Variants in ZBTB6 observed in about 807,000 individuals in gnomAD.
ZBTB6 encodes the protein zinc finger and BTB domain containing 6, also known as zinc finger and BTB domain-containing protein 6.
In ZBTB6, 11 loss-of-function variants were observed where a neutral mutation model predicts 30.6. The ratio of observed to expected loss-of-function variants is 0.36; its 90% CI spans 0.23 to 0.60. The LOEUF is 0.60. Ranked by LOEUF, ZBTB6 falls within the 20% of genes least tolerant of loss-of-function variation. ZBTB6 has a pLI of 0.75. For synonymous variants in ZBTB6, 174 were observed against 172.0 expected (o/e 1.01, Z -0.09); for missense variants, 380 against 489.4 (o/e 0.78, Z 2.11).
Position 122,911,647 on chromosome 9 carries a change from C to G in ZBTB6, c.426G>C (p.Leu142=). Residue 142 remains leucine (L), a synonymous_variant, in exon 2 of 2, where the codon CTG becomes CTC. Transcript: ENST00000373659. The surrounding 1 kb of genome is among the most constrained non-coding windows in gnomAD (Gnocchi z 4.5). Reference sequence around the variant, plus strand: ...TAACATCAGGATCAGAAGACTGACACAGGTCAGTGTGTTGGTTGTTGTTTT... The same window carrying G: ...TAACATCAGGATCAGAAGACTGACAGAGGTCAGTGTGTTGGTTGTTGTTTT... ...SMKNNNQHTD[L]CQSSDPDVKN... 1 of 1,613,508 alleles carries G rather than the reference C, an allele frequency of 6.2e-7. No individual in the cohort carries two copies. Among genetic ancestry groups the G allele is most frequent in the Non-Finnish European group, 8.5e-7 (1 of 1,180,010 alleles).
In ZBTB6 at chr9:122,908,232, A is replaced by C. The variant is rs1016914471; in HGVS notation, c.*2566T>G. Reference sequence around the variant, plus strand: ...CTCAAACACTTTTCATTTTTCTGTCATATCAGAAACATAAACTAAATGTGA... The same window carrying C: ...CTCAAACACTTTTCATTTTTCTGTCCTATCAGAAACATAAACTAAATGTGA... On this transcript the variant is annotated 3_prime_UTR_variant, in exon 2 of 2. Coordinates refer to ENST00000373659, the MANE Select transcript of ZBTB6 (RefSeq NM_006626.6). 14 of 152,350 alleles carry C rather than the reference A, an allele frequency of 9.2e-5. No homozygotes were observed. The highest frequency in any genetic ancestry group is 3.3e-4 in the Admixed American group (5 of 15,296). 9.4% of individuals were successfully genotyped at this position (152,350 alleles called of 1,614,324 possible).
In ZBTB6 at chr9:122,910,612, A is replaced by G. The variant is rs1832942597; in HGVS notation, c.*186T>C. 1.7e-6 allele frequency: 1 copy of G among 596,720 alleles called. No homozygotes were observed. Among genetic ancestry groups the G allele is most frequent in the Non-Finnish European group, 2.9e-6 (1 of 343,354 alleles). 37.0% of individuals were successfully genotyped at this position (596,720 alleles called of 1,614,324 possible). Reference sequence around the variant, plus strand: ...AAGGTATGAGATGAGACAGAATCCCATCAGCTTTACTGTGCCTCCCATAAC... The same window carrying G: ...AAGGTATGAGATGAGACAGAATCCCGTCAGCTTTACTGTGCCTCCCATAAC... On this transcript the variant is annotated 3_prime_UTR_variant, in exon 2 of 2. Coordinates refer to ENST00000373659, the MANE Select transcript of ZBTB6 (RefSeq NM_006626.6).
At chr9:122,912,258 C>T (rs765699376) in intron 1 of ZBTB6, among the ~76,000 whole-genome samples, 177 bp from the exon 2 acceptor site, 8 of 152,140 alleles carry the variant, frequency 5.3e-5, no homozygotes, top group South Asian at 2.1e-4. Context: ...CTTTATAATG[C>T]ACTTCTCTAT....
At position 122,908,771 on chromosome 9, in the gene ZBTB6, T is replaced by G. The variant is rs572335759; in HGVS notation, c.*2027A>C. ...AAGCAATGAACTATGAATGAAAAAT[T>G]AGCAATGAGCTATCACACTTTCCAG... is the stretch of plus-strand genomic sequence containing the variant. On this transcript the variant is annotated 3_prime_UTR_variant, in exon 2 of 2. Coordinates refer to ENST00000373659, the MANE Select transcript of ZBTB6 (RefSeq NM_006626.6). 2.8e-4 allele frequency: 43 copies of G among 152,268 alleles called. No homozygotes were observed. Among genetic ancestry groups the G allele is most frequent in the African/African-American group, 7.7e-4 (32 of 41,564 alleles). The allele number at this position is 152,268 out of a possible 1,614,324, so 9.4% of individuals were successfully genotyped here.
Position 122,911,488 on chromosome 9 carries a change from T to C in ZBTB6, c.585A>G (p.Ser195=), listed in dbSNP as rs1832954044. 1.2e-6 allele frequency: 2 copies of C among 1,614,184 alleles called. No individual in the cohort carries two copies. Among genetic ancestry groups the C allele is most frequent in the Non-Finnish European group, 1.7e-6 (2 of 1,180,034 alleles). The change falls in exon 2 of 2, where the codon TCA becomes TCG. Residue 195 remains serine, a synonymous_variant. Coordinates refer to ENST00000373659, the MANE Select transcript of ZBTB6 (RefSeq NM_006626.6). The surrounding 1 kb of genome is among the most constrained non-coding windows in gnomAD (Gnocchi z 4.5). Reference sequence around the variant, plus strand: ...CTGGTGACTTCATTTCCTTTCTCTCTGATGTCAGACTCTCTACTGTAGACT... The same window carrying C: ...CTGGTGACTTCATTTCCTTTCTCTCCGATGTCAGACTCTCTACTGTAGACT... The part of the protein sequence containing the change: ...ALQSTVESLT[S]ERKEMKSPEL...
intron 1 of ZBTB6, among the ~76,000 whole-genome samples, chr9:122,912,858 G>A (rs1832967593): frequency 6.6e-6 from 1 of 151,952 alleles, no homozygotes; most frequent in Non-Finnish European, 1.5e-5. Flanking sequence ...TCTTACATTC[G>A]CGTTTCCAGT....
chr9:122,911,650 G>A lies in ZBTB6; in HGVS notation c.423C>T (p.Asp141=). 6 of 1,613,450 alleles carry A rather than the reference G, an allele frequency of 3.7e-6. No individual in the cohort carries two copies. Among genetic ancestry groups the A allele is most frequent in the Non-Finnish European group, 5.1e-6 (6 of 1,180,030 alleles). Residue 141 remains aspartate (D), a synonymous_variant, in exon 2 of 2, where the codon GAC becomes GAT. Coordinates refer to ENST00000373659, the MANE Select transcript of ZBTB6 (RefSeq NM_006626.6). The surrounding 1 kb of genome is among the most constrained non-coding windows in gnomAD (Gnocchi z 4.5). ...CATCAGGATCAGAAGACTGACACAGGTCAGTGTGTTGGTTGTTGTTTTTCA... is the reference window on the plus strand; with the variant it reads ...CATCAGGATCAGAAGACTGACACAGATCAGTGTGTTGGTTGTTGTTTTTCA... ...LSMKNNNQHT[D]LCQSSDPDVK... is the part of the protein sequence containing the mutation.
chr9:122,911,704 C>A lies in ZBTB6; in HGVS notation c.369G>T (p.Leu123Phe). The stretch of plus-strand genomic sequence containing the variant: ...AAAGATCAATTTCCAGATACTTTGA[C>A]AAAGCTTCTGTGCACTTTTCCACAA... Reference protein sequence around the residue: ...VHIVEKCTEALSKYLEIDLSM... With the variant: ...VHIVEKCTEAFSKYLEIDLSM... Residue 123 changes from leucine to phenylalanine, a missense_variant, in exon 2 of 2, where the codon TTG becomes TTT. Physicochemically the swap from Leu to Phe is conservative, Grantham distance 22 (BLOSUM62 0). Transcript: ENST00000373659. The surrounding 1 kb of genome is among the most constrained non-coding windows in gnomAD (Gnocchi z 4.5). 1 of 1,614,054 alleles carries A rather than the reference C, an allele frequency of 6.2e-7. No individual in the cohort carries two copies. Among genetic ancestry groups the A allele is most frequent in the Non-Finnish European group, 8.5e-7 (1 of 1,180,036 alleles).
Position 122,910,534 on chromosome 9 carries a change from A to C in ZBTB6, c.*264T>G, listed in dbSNP as rs574471783. On this transcript the variant is annotated 3_prime_UTR_variant, in exon 2 of 2. Coordinates refer to ENST00000373659, the MANE Select transcript of ZBTB6 (RefSeq NM_006626.6). ...GGATCCTTTGTCACTAGAATCAAGA[A>C]TATATAAGAGAGGAACACTATTTCT... 1 of 330,922 alleles carries C rather than the reference A, an allele frequency of 3.0e-6. No individual in the cohort carries two copies. The highest frequency in any genetic ancestry group is 5.1e-5 in the East Asian group (1 of 19,724). 20.5% of individuals were successfully genotyped at this position (330,922 alleles called of 1,614,324 possible). A position where few individuals can be genotyped will look rare whatever the true frequency, so the allele number is the denominator to read the frequency against.
In ZBTB6 at chr9:122,910,816, T is replaced by A. The variant is rs371206112; in HGVS notation, c.1257A>T (p.Lys419Asn). The change falls in exon 2 of 2, where the codon AAA becomes AAT. Residue 419 changes from lysine (K) to asparagine (N), a missense_variant. Coordinates refer to ENST00000373659, the MANE Select transcript of ZBTB6 (RefSeq NM_006626.6). ...ATTATAATTATAGTAGACTTTGCCT[T>A]TTGAGATCAGGCCTAGATAGTTTTT... ...SGEKLSRPDLKRQSLL is the reference protein window; with the variant it reads ...SGEKLSRPDLNRQSLL The A allele has an allele frequency of 1.2e-5, 20 of 1,608,146 alleles. No homozygotes were observed. The highest frequency in any genetic ancestry group is 1.7e-5 in the Non-Finnish European group (20 of 1,175,474).
intron 1 of ZBTB6, 95 bp from the exon 2 acceptor site, chr9:122,912,176 A>G (rs1010982176): frequency 8.1e-7 from 1 of 1,235,464 alleles, no homozygotes; most frequent in East Asian, 2.4e-5. Flanking sequence ...CCCAAACCTG[A>G]ATTAGGAAGA....
At chr9:122,912,939 G>A (rs752720891) in intron 1 of ZBTB6, among the ~76,000 whole-genome samples, 3 of 152,142 alleles carry the variant, frequency 2.0e-5, no homozygotes, top group Non-Finnish European at 2.9e-5. Context: ...TCCACCTCCC[G>A]TTTCAACCAG....
rs118074884 is a variant in ZBTB6 at position 122,910,765 on chromosome 9, T to C, written c.*33A>G. On this transcript the variant is annotated 3_prime_UTR_variant, in exon 2 of 2. Coordinates refer to ENST00000373659, the MANE Select transcript of ZBTB6 (RefSeq NM_006626.6). Reference sequence around the variant, plus strand: ...CAGAAAGACTTGCGTAATAGAATAATACAAACTTTATATAACAAGTCTGTG... The same window carrying C: ...CAGAAAGACTTGCGTAATAGAATAACACAAACTTTATATAACAAGTCTGTG... 0.048 allele frequency: 75,023 copies of C among 1,548,976 alleles called. 2,119 individuals carry two copies. Among genetic ancestry groups the C allele is most frequent in the Non-Finnish European group, 0.057 (65,055 of 1,138,948 alleles).
chr9:122,911,228 C>T lies in ZBTB6; in HGVS notation c.845G>A (p.Gly282Glu), dbSNP rs1339968484. The change falls in exon 2 of 2, where the codon GGA (glycine) becomes GAA (glutamate). Residue 282 changes from glycine (G) to glutamate (E), a missense_variant. Gly to Glu is a moderately conservative substitution (Grantham distance 98). Transcript: ENST00000373659. The surrounding 1 kb of genome is among the most constrained non-coding windows in gnomAD (Gnocchi z 4.5). ...DQGLFCENTE[G>E]SYGTVSEIQN... ...AATCTCACTCACTGTACCATAACTT[C>T]CTTCAGTATTCTCACAAAATAAGCC... 6.2e-7 allele frequency: 1 copy of T among 1,614,208 alleles called. No homozygotes were observed. The highest frequency in any genetic ancestry group is 1.7e-5 in the Admixed American group (1 of 60,032).
rs1832952054 is a variant in ZBTB6, at chr9:122,911,320, T to C, written c.753A>G (p.Thr251=). ...SSKASMYFSE[T]QHSLINSTVE... ...CTGTAGAATTGATCAATGAATGCTGTGTTTCAGAGAAATACATGCTTGCTT... is the reference window on the plus strand; with the variant it reads ...CTGTAGAATTGATCAATGAATGCTGCGTTTCAGAGAAATACATGCTTGCTT... Residue 251 remains threonine (T), a synonymous_variant, in exon 2 of 2, where the codon ACA becomes ACG. Transcript: ENST00000373659. The surrounding 1 kb of genome is among the most constrained non-coding windows in gnomAD (Gnocchi z 4.5). 2 of 1,614,034 alleles carry C rather than the reference T, an allele frequency of 1.2e-6. No homozygotes were observed. The highest frequency in any genetic ancestry group is 1.3e-5 in the African/African-American group (1 of 74,930).
chr9:122,911,279 G>A lies in ZBTB6; in HGVS notation c.794C>T (p.Ala265Val). ...LINSTVESRVAEVPGNQDQGL... is the reference protein window; with the variant it reads ...LINSTVESRVVEVPGNQDQGL... Reference sequence around the variant, plus strand: ...CTGATCTTGATTCCCAGGAACTTCAGCCACTCTGCTCTCAACTGTAGAATT... The same window carrying A: ...CTGATCTTGATTCCCAGGAACTTCAACCACTCTGCTCTCAACTGTAGAATT... The change falls in exon 2 of 2, where the codon GCT becomes GTT. Residue 265 changes from alanine (A) to valine (V), a missense_variant. Ala to Val is a moderately conservative substitution (Grantham distance 64). Transcript: ENST00000373659. The surrounding 1 kb of genome is among the most constrained non-coding windows in gnomAD (Gnocchi z 4.5). 1 of 1,614,070 alleles carries A rather than the reference G, an allele frequency of 6.2e-7. No individual in the cohort carries two copies. Among genetic ancestry groups the A allele is most frequent in the Non-Finnish European group, 8.5e-7 (1 of 1,180,034 alleles).
Position 122,910,474 on chromosome 9 carries a change from C to T in ZBTB6, c.*324G>A. ...TGGATTTTATACTTAAATCAATTAC[C>T]TAGAGACTCCAAATCGGAATCTGCA... On this transcript the variant is annotated 3_prime_UTR_variant, in exon 2 of 2. Transcript: ENST00000373659. The T allele has an allele frequency of 4.9e-6, 1 of 204,362 alleles. No individual in the cohort carries two copies. The highest frequency in any genetic ancestry group is 9.9e-6 in the Non-Finnish European group (1 of 101,204). 12.7% of individuals were successfully genotyped at this position (204,362 alleles called of 1,614,324 possible). A position where few individuals can be genotyped will look rare whatever the true frequency, so the allele number is the denominator to read the frequency against.
At position 122,908,678 on chromosome 9, in the gene ZBTB6, C is replaced by T. The variant is rs575950485; in HGVS notation, c.*2120G>A. 3.3e-5 allele frequency: 5 copies of T among 152,308 alleles called. No individual in the cohort carries two copies. Among genetic ancestry groups the T allele is most frequent in the African/African-American group, 4.8e-5 (2 of 41,566 alleles). The allele number at this position is 152,308 out of a possible 1,614,324, so 9.4% of individuals were successfully genotyped here. The stretch of plus-strand genomic sequence containing the variant: ...GCAAAAATAAGAAAAGTACTTCAAT[C>T]ACTAGTAAACTATTTCTGAAAAGAA... On this transcript the variant is annotated 3_prime_UTR_variant, in exon 2 of 2. Coordinates refer to ENST00000373659, the MANE Select transcript of ZBTB6 (RefSeq NM_006626.6).
Position 122,910,801 on chromosome 9 carries a change from T to C in ZBTB6, c.1272A>G (p.Leu424=). 1.2e-6 allele frequency: 2 copies of C among 1,604,828 alleles called. No homozygotes were observed. Among genetic ancestry groups the C allele is most frequent in the African/African-American group, 2.7e-5 (2 of 74,804 alleles). ...SRPDLKRQSL[L] Reference sequence around the variant, plus strand: ...TATAACAAGTCTGTGATTATAATTATAGTAGACTTTGCCTTTTGAGATCAG... The same window carrying C: ...TATAACAAGTCTGTGATTATAATTACAGTAGACTTTGCCTTTTGAGATCAG... Residue 424 remains leucine, a synonymous_variant, in exon 2 of 2, where the codon CTA becomes CTG. Coordinates refer to ENST00000373659, the MANE Select transcript of ZBTB6 (RefSeq NM_006626.6).
Sources: gnomAD v4.1 joint callset for allele counts (sites outside exome capture counted in the v4.1 genomes callset) on GRCh38, gnomAD v4.1.1 for gene constraint, Gnocchi (gnomAD v3.1) non-coding constraint, MANE v1.5 for transcripts, NCBI Gene and HGNC (gene_info 2026-07-23, HGNC 2026-07-21) for gene names.